Variants in TEC observed in about 807,000 individuals in gnomAD.
TEC encodes tyrosine-protein kinase Tec.
A neutral mutation model predicts 93.0 loss-of-function variants in TEC; 72 were observed. That is an observed-to-expected ratio of 0.77 (90% CI 0.64 to 0.94). The LOEUF (loss-of-function observed/expected upper bound fraction) is 0.94. TEC is among the 40% of genes least tolerant of loss of function. The pLI, the probability that TEC is intolerant of heterozygous loss-of-function variation, is 0.00. For synonymous variants in TEC, 249 were observed against 247.7 expected (o/e 1.01, Z -0.05); for missense variants, 630 against 757.9 (o/e 0.83, Z 1.98).
intron 9 of TEC, among the ~76,000 whole-genome samples, chr4:48,151,733 C>T (rs1720175395): frequency 6.6e-6 from 1 of 152,216 alleles, no homozygotes; most frequent in Non-Finnish European, 1.5e-5. Flanking sequence ...GTGATCCACC[C>T]GCCTTGATCT....
chr4:48,253,249 G>A (rs1287524470), intron 1 of TEC, among the ~76,000 whole-genome samples: 1 of 152,084 alleles, frequency 6.6e-6, no homozygotes, highest in Non-Finnish European at 1.5e-5. Flanking sequence ...TGTAGCTGTC[G>A]TCTCCTGGCA....
chr4:48,258,655 C>T (rs1010555295), intron 1 of TEC, among the ~76,000 whole-genome samples: 4 of 152,166 alleles, frequency 2.6e-5, no homozygotes, highest in African/African-American at 4.8e-5. Context: ...TCGTGTAGCC[C>T]TCTCCTGAGT....
intron 1 of TEC, among the ~76,000 whole-genome samples, chr4:48,262,201 C>CTTTTTTTTTTTTTTTT (rs10659576): frequency 0.069 from 5,524 of 79,982 alleles, 1,288 homozygotes; most frequent in East Asian, 0.16. Flanking sequence ...CCAAATGTCT[C>CTTTTTTTTTTTTTTTT]TTTTTTTTTT....
At chr4:48,210,794 A>G (rs1722876249) in intron 2 of TEC, among the ~76,000 whole-genome samples, 1 of 152,236 alleles carries the variant, frequency 6.6e-6, no homozygotes, top group South Asian at 2.1e-4. Context: ...AGAGTGAATC[A>G]CCTGTGATTA....
intron 8 of TEC, 39 bp downstream of exon 8, chr4:48,163,663 T>G (rs1720763789): frequency 7.9e-7 from 1 of 1,272,224 alleles, no homozygotes; most frequent in South Asian, 1.5e-5. Context: ...AATGAAAAGT[T>G]TCTGATTTTC....
chr4:48,150,232 C>T (rs1334965158), intron 10 of TEC, among the ~76,000 whole-genome samples: 3 of 152,142 alleles, frequency 2.0e-5, no homozygotes, highest in African/African-American at 7.2e-5. Context: ...CCTCCCTTCA[C>T]TCTGTGCTCC....
At chr4:48,203,022 T>A (rs1350088249) in intron 2 of TEC, among the ~76,000 whole-genome samples, 1 of 152,202 alleles carries the variant, frequency 6.6e-6, no homozygotes, top group African/African-American at 2.4e-5. Flanking sequence ...GTGAGTTCCT[T>A]TTGTTTTCTT....
At chr4:48,161,260 T>C (rs948387474) in intron 8 of TEC, among the ~76,000 whole-genome samples, 3 of 152,208 alleles carry the variant, frequency 2.0e-5, no homozygotes, top group Non-Finnish European at 4.4e-5. Context: ...TCTCTAATTC[T>C]GCCCTTCTAA....
At chr4:48,186,848 G>T (rs1372668143) in intron 2 of TEC, among the ~76,000 whole-genome samples, 1 of 148,788 alleles carries the variant, frequency 6.7e-6, no homozygotes, top group Admixed American at 6.7e-5. Flanking sequence ...GCCCCGTCTG[G>T]GAGGTGGGGG....
At chr4:48,193,543 C>T (rs1206327640) in intron 2 of TEC, among the ~76,000 whole-genome samples, 1 of 152,194 alleles carries the variant, frequency 6.6e-6, no homozygotes, top group African/African-American at 2.4e-5. Context: ...AACGTAACTA[C>T]TGTCAAGGGA....
At chr4:48,228,744 C>T in intron 1 of TEC, 85 bp from the exon 2 acceptor site, 6 of 1,181,466 alleles carry the variant, frequency 5.1e-6, no homozygotes, top group Non-Finnish European at 4.7e-6. Context: ...ATCAGCTTCA[C>T]CCTCACCCCT....
At chr4:48,201,375 G>C (rs1443702270) in intron 2 of TEC, among the ~76,000 whole-genome samples, 1 of 152,274 alleles carries the variant, frequency 6.6e-6, no homozygotes, top group Admixed American at 6.5e-5. Flanking sequence ...AAAGTCATCT[G>C]CACACAGAAG....
chr4:48,141,586 T>C, intron 14 of TEC, 167 bp from the exon 15 acceptor site: 1 of 563,002 alleles, frequency 1.8e-6, no homozygotes, highest in Non-Finnish European at 3.0e-6. Flanking sequence ...ATTTCCATTG[T>C]GTATTTGAAA....
intron 1 of TEC, among the ~76,000 whole-genome samples, chr4:48,240,514 C>A (rs17655449): frequency 6.6e-6 from 1 of 151,962 alleles, no homozygotes; most frequent in Non-Finnish European, 1.5e-5. Flanking sequence ...ATGTAATCTG[C>A]GCTACCTCTT....
At chr4:48,199,000 AG>A (rs1476684754) in intron 2 of TEC, among the ~76,000 whole-genome samples, 1 of 151,934 alleles carries the variant, frequency 6.6e-6, no homozygotes, top group Non-Finnish European at 1.5e-5. Context: ...ATGGACAGAA[AG>A]GTTTCTAATA....
At chr4:48,154,834 A>G (rs191306716) in intron 9 of TEC, among the ~76,000 whole-genome samples, 22 of 152,230 alleles carry the variant, frequency 1.4e-4, no homozygotes, top group African/African-American at 5.3e-4. Flanking sequence ...TGTGTGGACT[A>G]AAAGAAGCCC....
intron 7 of TEC, among the ~76,000 whole-genome samples, chr4:48,166,219 G>A (rs1488239805): frequency 7.4e-6 from 1 of 136,004 alleles, no homozygotes; most frequent in East Asian, 2.3e-4. Flanking sequence ...TAGAGCCAGG[G>A]CAGGAGGGAA....
chr4:48,145,595 T>G lies in TEC; in HGVS notation c.1082-16A>C, dbSNP rs2661547. 0.79 allele frequency: 1,278,113 copies of G among 1,611,762 alleles called. 508,303 individuals are homozygous for G. Among genetic ancestry groups the G allele is most frequent in the East Asian group, 0.91 (40,833 of 44,840 alleles). ...TCCCATTTCTCTGCAGGACAGAAAG[T>G]GAAAGTGTTCATATTTAAAAAGGAA... On this transcript the variant is annotated splice_polypyrimidine_tract_variant and intron_variant, in intron 12 of 17. Coordinates refer to ENST00000381501, the MANE Select transcript of TEC (RefSeq NM_003215.3).
At chr4:48,222,297 A>G (rs1723292680) in intron 2 of TEC, among the ~76,000 whole-genome samples, 1 of 152,226 alleles carries the variant, frequency 6.6e-6, no homozygotes, top group Admixed American at 6.5e-5. Context: ...AAAAAATTGC[A>G]TCAAGTACTT....
Sources: allele counts gnomAD v4.1 joint callset (sites outside exome capture counted in the v4.1 genomes callset), GRCh38; gene constraint gnomAD v4.1.1; transcripts MANE v1.5; gene names NCBI Gene and HGNC (gene_info 2026-07-23, HGNC 2026-07-21).